The following BIVM variants were observed in gnomAD, a reference collection of about 807,000 sequenced individuals.
BIVM encodes the protein basic immunoglobulin-like variable motif-containing protein.
In BIVM, 31 loss-of-function variants were observed where a neutral mutation model predicts 61.4. That is an observed-to-expected ratio of 0.51 (90% CI 0.38 to 0.68). BIVM has a LOEUF of 0.68. Ranked by LOEUF, BIVM falls within the 30% of genes least tolerant of loss-of-function variation. The pLI is 0.00. For missense variants in BIVM, 526 were observed against 596.0 expected (o/e 0.88, Z 1.22); for synonymous variants, 189 against 210.7 (o/e 0.90, Z 0.89).
At chr13:102,803,853 G>C (rs1878899156) in intron 1 of BIVM, among the ~76,000 whole-genome samples, 1 of 152,162 alleles carries the variant, frequency 6.6e-6, no homozygotes, top group African/African-American at 2.4e-5. Flanking sequence ...CATCTGCTGA[G>C]AATCAGAGCA....
At chr13:102,835,842 C>T (rs1881434782) in intron 9 of BIVM, among the ~76,000 whole-genome samples, 1 of 152,176 alleles carries the variant, frequency 6.6e-6, no homozygotes, top group African/African-American at 2.4e-5. Flanking sequence ...TGGGATTTGC[C>T]TGTTCTTGAC....
intron 10 of BIVM, 100 bp from the exon 11 acceptor site, chr13:102,839,472 C>A: frequency 6.9e-7 from 1 of 1,454,426 alleles, no homozygotes. Context: ...ATTCTGAGGC[C>A]GGTGAAGTAA....
Position 102,821,757 on chromosome 13 carries a change from C to G in BIVM, c.716C>G (p.Thr239Ser), listed in dbSNP as rs1297590611. ...TMGAGNLPPITQEEALHILGF... is the reference protein window; with the variant it reads ...TMGAGNLPPISQEEALHILGF... ...TTCTTTTGTAGCCTTCCACCTATTA[C>G]CCAAGAAGAAGCTTTACATATTCTG... is the stretch of plus-strand genomic sequence containing the variant. The change falls in exon 6 of 11, where the codon ACC becomes AGC. Residue 239 changes from threonine to serine, a missense_variant. By Grantham distance (58) the Thr-to-Ser change is moderately conservative. Around this residue, in one of 3 missense-constraint regions of BIVM, gnomAD observed 312 missense variants for 343.8 expected, o/e 0.91. Transcript: ENST00000257336. The G allele has an allele frequency of 6.2e-7, 1 of 1,613,304 alleles. No homozygotes were observed. Among genetic ancestry groups the G allele is most frequent in the Admixed American group, 1.7e-5 (1 of 59,830 alleles).
chr13:102,837,431 T>G (rs6491712), intron 9 of BIVM, among the ~76,000 whole-genome samples: 1 of 152,214 alleles, frequency 6.6e-6, no homozygotes, highest in Non-Finnish European at 1.5e-5. Context: ...ATTTTTTCTC[T>G]ATGTGTTCTA....
intron 4 of BIVM, 52 bp downstream of exon 4, chr13:102,816,606 TG>T (rs1879882171): frequency 5.5e-6 from 8 of 1,442,172 alleles, no homozygotes; most frequent in Non-Finnish European, 7.3e-6. Context: ...TAATATATGT[TG>T]GCAATAACGT....
chr13:102,825,135 T>A (rs9518849), intron 7 of BIVM, among the ~76,000 whole-genome samples: 1 of 151,802 alleles, frequency 6.6e-6, no homozygotes, highest in East Asian at 1.9e-4. Flanking sequence ...TTAGTAGAGA[T>A]GGGGTTTCAC....
chr13:102,833,190 T>C (rs574849266), intron 8 of BIVM, among the ~76,000 whole-genome samples: 17 of 151,434 alleles, frequency 1.1e-4, no homozygotes, highest in Admixed American at 2.6e-4. Context: ...GCTGAGAACA[T>C]GCCACTGCAC....
At chr13:102,802,948 C>G (rs904968175) in intron 1 of BIVM, among the ~76,000 whole-genome samples, 3 of 151,816 alleles carry the variant, frequency 2.0e-5, no homozygotes, top group Non-Finnish European at 4.4e-5. Flanking sequence ...GTGCTGTGTT[C>G]TATCTTTAGC....
Position 102,799,383 on chromosome 13 carries a change from T to G in BIVM, c.-345T>G, listed in dbSNP as rs112167466. ...TCGCCGGGCACCGCAGCATCCTCGC[T>G]CGCTCCGATGGGACGAGGGACGCCG... is the stretch of plus-strand genomic sequence containing the variant. On this transcript the variant is annotated 5_prime_UTR_variant, in exon 1 of 11. Transcript: ENST00000257336. The G allele has an allele frequency of 0.069, 10,561 of 153,526 alleles. 531 individuals are homozygous for G. Among genetic ancestry groups the G allele is most frequent in the African/African-American group, 0.13 (5,586 of 41,616 alleles). The allele number at this position is 153,526 out of a possible 1,614,324, so 9.5% of individuals were successfully genotyped here.
intron 3 of BIVM, 144 bp from the exon 4 acceptor site, chr13:102,816,280 GTTAT>G (rs763781583): frequency 1.4e-6 from 1 of 703,804 alleles, no homozygotes; most frequent in Non-Finnish European, 2.1e-6. Flanking sequence ...ACCTGTGGCA[GTTAT>G]TTATTTGTTA....
chr13:102,804,211 G>A lies in BIVM; in HGVS notation c.-206-1096G>A, dbSNP rs562819116. ...CACCCAGGCTGGAGTGCAGTGGCGC[G>A]ATCTTGGCTCAACGCAACCTCCACC... On this transcript the variant is annotated intron_variant, in intron 1 of 10. Transcript: ENST00000257336. Among the ~76,000 whole-genome samples, 174 of 152,250 alleles carry A rather than the reference G, an allele frequency of 1.1e-3. 1 individual carries two copies. Among genetic ancestry groups the A allele is most frequent in the Non-Finnish European group, 1.7e-3 (115 of 68,030 alleles).
intron 10 of BIVM, 48 bp from the exon 11 acceptor site, chr13:102,839,524 C>A (rs368747178): frequency 9.4e-6 from 15 of 1,596,016 alleles, no homozygotes; most frequent in African/African-American, 1.4e-5. Flanking sequence ...CAAATTAGTA[C>A]AATTAATTTC....
intron 7 of BIVM, among the ~76,000 whole-genome samples, chr13:102,825,475 A>C (rs1880609371): frequency 6.6e-6 from 1 of 152,136 alleles, no homozygotes; most frequent in South Asian, 2.1e-4. Flanking sequence ...CAGTCTGGAG[A>C]CTGGATTTAC....
At chr13:102,821,945 G>A in intron 6 of BIVM, 98 bp downstream of exon 6, 1 of 1,528,832 alleles carries the variant, frequency 6.5e-7, no homozygotes, top group Non-Finnish European at 9.0e-7. Flanking sequence ...TCCAGCTGCT[G>A]GGCTTCAACC....
Position 102,799,348 on chromosome 13 carries a change from C to G in BIVM, c.-380C>G, listed in dbSNP as rs554219460. On this transcript the variant is annotated 5_prime_UTR_variant, in exon 1 of 11. Transcript: ENST00000257336. ...AAAGGAAGGTGCTGTCAATGCTATC[C>G]GACGACCTGTCGCCGGGCACCGCAG... is the stretch of plus-strand genomic sequence containing the variant. The G allele has an allele frequency of 6.3e-6, 1 of 159,122 alleles. No individual in the cohort carries two copies. Among genetic ancestry groups the G allele is most frequent in the Non-Finnish European group, 1.4e-5 (1 of 72,952 alleles). 9.9% of individuals were successfully genotyped at this position (159,122 alleles called of 1,614,324 possible).
At chr13:102,800,212 C>T (rs1440543645) in intron 1 of BIVM, among the ~76,000 whole-genome samples, 3 of 152,202 alleles carry the variant, frequency 2.0e-5, no homozygotes, top group Non-Finnish European at 4.4e-5. Context: ...GAATCGGAGC[C>T]CCAGCTCTTA....
At chr13:102,834,638 T>C (rs1881338795) in intron 9 of BIVM, 86 bp downstream of exon 9, 8 of 1,297,428 alleles carry the variant, frequency 6.2e-6, no homozygotes, top group Non-Finnish European at 8.2e-6. Context: ...TATAATTAGT[T>C]TGATAAATGA....
rs1177371385 is a variant in BIVM at position 102,799,421 on chromosome 13, C to G, written c.-307C>G. The G allele has an allele frequency of 6.6e-6, 1 of 152,546 alleles. No individual in the cohort carries two copies. The highest frequency in any genetic ancestry group is 2.4e-5 in the African/African-American group (1 of 41,496). The allele number at this position is 152,546 out of a possible 1,614,324, so 9.4% of individuals were successfully genotyped here. ...ACGAGGGACGCCGGCCCCAGGGTAA[C>G]AGGAGGCGCCTCGCCGGCCGCGCGC... On this transcript the variant is annotated 5_prime_UTR_variant, in exon 1 of 11. Coordinates refer to ENST00000257336, the MANE Select transcript of BIVM (RefSeq NM_017693.4).
intron 1 of BIVM, chr13:102,800,328 C>G (rs1042663482): frequency 2.6e-5 from 4 of 152,208 alleles, no homozygotes; most frequent in African/African-American, 9.7e-5. Flanking sequence ...CGGCGCGCTC[C>G]CCCTGGCGGA....
Sources: gnomAD v4.1 joint callset for allele counts (sites outside exome capture counted in the v4.1 genomes callset) on GRCh38, gnomAD v4.1.1 for gene constraint, gnomAD v4.1.1 regional missense constraint, MANE v1.5 for transcripts, NCBI Gene and HGNC (gene_info 2026-07-23, HGNC 2026-07-21) for gene names.